Variants in MAPK10 observed in about 807,000 individuals in gnomAD.
The protein encoded by MAPK10 is mitogen-activated protein kinase 10.
Under a neutral mutation model 59.3 loss-of-function variants are expected in MAPK10, and 25 were observed. The observed-to-expected ratio is 0.42, with a 90% CI of 0.31 to 0.59. The LOEUF (loss-of-function observed/expected upper bound fraction) is 0.59, where lower values mean the gene tolerates loss of function less well. MAPK10 is among the 20% of genes least tolerant of loss of function. The probability of loss-of-function intolerance (pLI) is 0.15; values close to 1 mark genes in which losing one functional copy is unlikely to be tolerated. For synonymous variants in MAPK10, 190 were observed against 200.5 expected, an observed-to-expected ratio of 0.95 and a Z score of 0.44; for missense variants, 351 against 568.9, an observed-to-expected ratio of 0.62 and a Z score of 3.90.
At chr4:86,145,625 G>A (rs954928035) in intron 4 of MAPK10, among the ~76,000 whole-genome samples, 2 of 152,012 alleles carry the variant, frequency 1.3e-5, no homozygotes, top group African/African-American at 4.8e-5. Context: ...TCAGCTGCCT[G>A]CTTGATGTTC....
rs192763123 is a variant in MAPK10 at position 86,129,612 on chromosome 4, C to A, written c.237-22260G>T. ...GCACAATTACCTAAAAAGTATCACACCAATCAAATACGAGTATTGATTTTA... is the reference window on the plus strand; with the variant it reads ...GCACAATTACCTAAAAAGTATCACAACAATCAAATACGAGTATTGATTTTA... On this transcript the variant is annotated intron_variant, in intron 4 of 13. Coordinates refer to ENST00000641462, the MANE Select transcript of MAPK10 (RefSeq NM_138982.4). Among the ~76,000 whole-genome samples the A allele has an allele frequency of 6.6e-5, 10 of 152,268 alleles. No individual in the cohort carries two copies. The East Asian group carries it at 1.9e-3, about 29-fold the overall frequency.
At chr4:86,553,683 A>G (rs539414318) in intron 1 of MAPK10, among the ~76,000 whole-genome samples, 2 of 152,256 alleles carry the variant, frequency 1.3e-5, no homozygotes, top group African/African-American at 4.8e-5. Flanking sequence ...TGTTGAGTAC[A>G]GACATCCAAG....
At chr4:86,431,713 G>A (rs964326592) in intron 1 of MAPK10, among the ~76,000 whole-genome samples, 1 of 152,158 alleles carries the variant, frequency 6.6e-6, no homozygotes, top group Non-Finnish European at 1.5e-5. Context: ...AAAGGAAACA[G>A]GAATTTATGC....
intron 2 of MAPK10, among the ~76,000 whole-genome samples, chr4:86,209,605 T>C (rs78639656): frequency 1.3e-5 from 2 of 151,958 alleles, no homozygotes; most frequent in Admixed American, 6.6e-5. Flanking sequence ...AGTTTTTACA[T>C]TGATGAAAGA....
chr4:86,231,153 A>G (rs1359305969), intron 2 of MAPK10, among the ~76,000 whole-genome samples: 2 of 152,250 alleles, frequency 1.3e-5, no homozygotes, highest in Non-Finnish European at 2.9e-5. Context: ...GGCATGTCCT[A>G]TAACTGCAGT....
chr4:86,242,066 G>A (rs768385242), intron 2 of MAPK10, among the ~76,000 whole-genome samples: 10 of 151,786 alleles, frequency 6.6e-5, no homozygotes, highest in Admixed American at 3.9e-4. Flanking sequence ...TGTTATTGTC[G>A]CTTTCTGCTT....
chr4:86,154,642 C>G (rs927554650), intron 4 of MAPK10, among the ~76,000 whole-genome samples: 2 of 151,988 alleles, frequency 1.3e-5, no homozygotes. Context: ...ATGTATCTAG[C>G]TTGTTTTGTA....
At chr4:86,499,031 A>G (rs1755101609) in intron 1 of MAPK10, among the ~76,000 whole-genome samples, 1 of 152,230 alleles carries the variant, frequency 6.6e-6, no homozygotes, top group African/African-American at 2.4e-5. Flanking sequence ...TTTAAAAGCC[A>G]CATCCAATTA....
At chr4:86,463,496 C>G (rs752556868) in intron 1 of MAPK10, among the ~76,000 whole-genome samples, 9 of 152,218 alleles carry the variant, frequency 5.9e-5, no homozygotes, top group Non-Finnish European at 1.0e-4. Flanking sequence ...GCTGCCTCCA[C>G]TCAAGAAATA....
chr4:86,463,590 T>G (rs1163751082), intron 1 of MAPK10, among the ~76,000 whole-genome samples: 1 of 152,214 alleles, frequency 6.6e-6, no homozygotes, highest in Non-Finnish European at 1.5e-5. Context: ...AGACTGCTAC[T>G]CCTTACTCCT....
At chr4:86,255,349 G>T (rs2093661522) in intron 2 of MAPK10, among the ~76,000 whole-genome samples, 1 of 152,152 alleles carries the variant, frequency 6.6e-6, no homozygotes, top group Non-Finnish European at 1.5e-5. Flanking sequence ...TTGATATGAA[G>T]TTTTTCTGTG....
At chr4:86,551,373 T>C (rs953273595) in intron 1 of MAPK10, among the ~76,000 whole-genome samples, 6 of 152,254 alleles carry the variant, frequency 3.9e-5, no homozygotes, top group African/African-American at 7.2e-5. Context: ...TTTTAGGAAC[T>C]GCCTTTACTC....
chr4:86,258,878 T>C (rs2093870632), intron 2 of MAPK10, among the ~76,000 whole-genome samples: 1 of 152,194 alleles, frequency 6.6e-6, no homozygotes, highest in South Asian at 2.1e-4. Flanking sequence ...CAGTCTCTCT[T>C]ACATTGCTTT....
intron 13 of MAPK10, chr4:86,026,694 T>C (rs970071077): frequency 2.0e-5 from 3 of 152,196 alleles, no homozygotes; most frequent in Non-Finnish European, 2.9e-5. Flanking sequence ...GTGTGTGTTA[T>C]AAAAATACCA....
chr4:86,533,280 G>A (rs187803104), intron 1 of MAPK10, among the ~76,000 whole-genome samples: 1 of 152,126 alleles, frequency 6.6e-6, no homozygotes, highest in African/African-American at 2.4e-5. Context: ...TGTTTAATGG[G>A]TACAGAGTTT....
intron 2 of MAPK10, among the ~76,000 whole-genome samples, chr4:86,339,822 A>G (rs1052938693): frequency 1.3e-5 from 2 of 152,228 alleles, no homozygotes; most frequent in South Asian, 2.1e-4. Flanking sequence ...TAATTATTAT[A>G]TAAGTCATGT....
chr4:86,565,174 A>G (rs184179614), intron 1 of MAPK10, among the ~76,000 whole-genome samples: 1 of 152,270 alleles, frequency 6.6e-6, no homozygotes, highest in East Asian at 1.9e-4. Context: ...AATCAAACTT[A>G]TCTATATATG....
At chr4:86,182,098 G>A (rs2077042081) in intron 3 of MAPK10, among the ~76,000 whole-genome samples, 1 of 151,804 alleles carries the variant, frequency 6.6e-6, no homozygotes, top group Non-Finnish European at 1.5e-5. Context: ...ATTAATACCA[G>A]TGCAAACTAA....
At chr4:86,217,270 A>G (rs1467293632) in intron 2 of MAPK10, among the ~76,000 whole-genome samples, 1 of 152,188 alleles carries the variant, frequency 6.6e-6, no homozygotes. Context: ...CAAGTATTTC[A>G]CTTATTTTTC....
Sources: gnomAD v4.1 joint callset for allele counts (sites outside exome capture counted in the v4.1 genomes callset) on GRCh38, gnomAD v4.1.1 for gene constraint, MANE v1.5 for transcripts, NCBI Gene and HGNC (gene_info 2026-07-23, HGNC 2026-07-21) for gene names.